The following FXYD3 variants were observed in gnomAD, a reference collection of about 807,000 sequenced individuals.
FXYD3 encodes the protein FXYD domain-containing ion transport regulator 3.
Under a neutral mutation model 19.2 loss-of-function variants are expected in FXYD3, and 13 were observed. The observed-to-expected ratio is 0.68, with a 90% CI of 0.44 to 1.08. The LOEUF is 1.08. Ranked by LOEUF, FXYD3 falls within the 50% of genes least tolerant of loss-of-function variation. The probability of loss-of-function intolerance (pLI) is 0.00; values close to 1 mark genes in which losing one functional copy is unlikely to be tolerated. For missense variants in FXYD3, 101 were observed against 109.4 expected (o/e 0.92, Z 0.34); for synonymous variants, 48 against 38.9 (o/e 1.23, Z -0.87).
rs749411822 is a variant in FXYD3, at chr19:35,123,741, G to A, written c.*284G>A. 1.9e-6 allele frequency: 1 copy of A among 533,886 alleles called. No homozygotes were observed. The highest frequency in any genetic ancestry group is 3.4e-6 in the Non-Finnish European group (1 of 297,082). The allele number at this position is 533,886 out of a possible 1,614,324, so 33.1% of individuals were successfully genotyped here. A position where few individuals can be genotyped will look rare whatever the true frequency, so the allele number is the denominator to read the frequency against. ...TTGGCGTGCCCTGGAGGCTGACACA[G>A]AGGCTGGCACTGAGCCTGCTTGTTG... On this transcript the variant is annotated 3_prime_UTR_variant, in exon 9 of 9. Coordinates refer to ENST00000604404, the MANE Select transcript of FXYD3 (RefSeq NM_005971.4).
chr19:35,122,882 G>A (rs1396242608), intron 6 of FXYD3, 36 bp from the exon 7 acceptor site: 1 of 1,613,806 alleles, frequency 6.2e-7, no homozygotes, highest in African/African-American at 1.3e-5. Context: ...CGGGGCTGGG[G>A]CTCCCCTCCC....
chr19:35,116,862 C>T lies in FXYD3; in HGVS notation c.-15+503C>T, dbSNP rs1175204228. 8.1e-6 allele frequency: 7 copies of T among 864,406 alleles called. No homozygotes were observed. The African/African-American group carries it at 2.7e-4, about 33-fold the overall frequency. 53.5% of individuals were successfully genotyped at this position (864,406 alleles called of 1,614,324 possible). A position where few individuals can be genotyped will look rare whatever the true frequency, so the allele number is the denominator to read the frequency against. On this transcript the variant is annotated intron_variant, in intron 2 of 8. Coordinates refer to ENST00000604404, the MANE Select transcript of FXYD3 (RefSeq NM_005971.4). ...ATTGAGGGATCTGGATTCTGGAGACCTCCAGGAAAAAAGGATGGAGCTGCT... is the reference window on the plus strand; with the variant it reads ...ATTGAGGGATCTGGATTCTGGAGACTTCCAGGAAAAAAGGATGGAGCTGCT...
At chr19:35,119,635 G>C (rs1424987532) in intron 3 of FXYD3, 1 of 517,682 alleles carries the variant, frequency 1.9e-6, no homozygotes, top group Non-Finnish European at 3.4e-6. Flanking sequence ...CCATTCTCTC[G>C]ATCTCTTCTT....
chr19:35,123,343 G>A (rs530242473), intron 8 of FXYD3, 35 bp downstream of exon 8: 30 of 1,604,002 alleles, frequency 1.9e-5, no homozygotes, highest in South Asian at 1.4e-4. Context: ...AGGGGAACAC[G>A]GAAGTGGTGT....
At chr19:35,123,217 G>C in intron 7 of FXYD3, 54 bp from the exon 8 acceptor site, 2 of 1,543,424 alleles carry the variant, frequency 1.3e-6, no homozygotes, top group East Asian at 4.5e-5. Flanking sequence ...CCTCTATCCG[G>C]AGGGAGAGGG....
In FXYD3 at chr19:35,122,815, G is replaced by T. The variant is rs758612609; in HGVS notation, c.148G>T (p.Ala50Ser). 6.2e-7 allele frequency: 1 copy of T among 1,613,962 alleles called. No homozygotes were observed. Among genetic ancestry groups the T allele is most frequent in the South Asian group, 1.1e-5 (1 of 91,080 alleles). The change falls in exon 6 of 9, where the codon GCC becomes TCC. Residue 50 changes from alanine to serine, a missense_variant. Physicochemically the swap from Ala to Ser is moderately conservative, Grantham distance 99. Coordinates refer to ENST00000604404, the MANE Select transcript of FXYD3 (RefSeq NM_005971.4). The part of the protein sequence containing the change: ...GGLICAGVLC[A>S]MGIIIVMSAK... ...GCTCATCTGCGCTGGGGTTCTGTGC[G>T]CCATGGGCATCATCATCGTCATGAG...
rs139425472 is a variant in FXYD3 at position 35,118,508 on chromosome 19, G to A, written c.-14-855G>A. 3,075 of 989,104 alleles carry A rather than the reference G, an allele frequency of 3.1e-3. 3 individuals carry two copies. Among genetic ancestry groups the A allele is most frequent in the Non-Finnish European group, 3.5e-3 (2,908 of 832,360 alleles). 61.3% of individuals were successfully genotyped at this position (989,104 alleles called of 1,614,324 possible). A position where few individuals can be genotyped will look rare whatever the true frequency, so the allele number is the denominator to read the frequency against. ...AGAGGGCAGGACTGATGCCAGGTCA[G>A]GAAGGAGAGAGAAACGAGTTCCTTA... On this transcript the variant is annotated intron_variant, in intron 2 of 8. Transcript: ENST00000604404.
intron 2 of FXYD3, chr19:35,117,499 G>C (rs1205439398): frequency 1.1e-6 from 1 of 933,582 alleles, no homozygotes; most frequent in Non-Finnish European, 1.5e-6. Flanking sequence ...TGCAGAGATT[G>C]AGCGAGTAAG....
Position 35,121,262 on chromosome 19 carries a change from C to T in FXYD3, c.97+17C>T, listed in dbSNP as rs751449538. ...TCTACTATGGTGAGAGCCCGTGCCCCCTTTCCCCTCCCCACAACCCCACAT... is the reference window on the plus strand; with the variant it reads ...TCTACTATGGTGAGAGCCCGTGCCCTCTTTCCCCTCCCCACAACCCCACAT... On this transcript the variant is annotated intron_variant, in intron 5 of 8. Coordinates refer to ENST00000604404, the MANE Select transcript of FXYD3 (RefSeq NM_005971.4). 6.2e-7 allele frequency: 1 copy of T among 1,613,978 alleles called. No individual in the cohort carries two copies.
At chr19:35,119,195 A>T in intron 2 of FXYD3, 168 bp from the exon 3 acceptor site, 1 of 1,567,856 alleles carries the variant, frequency 6.4e-7, no homozygotes, top group Non-Finnish European at 8.7e-7. Context: ...TCCCCACTCC[A>T]CGGTGCAGCT....
intron 5 of FXYD3, 198 bp downstream of exon 5, chr19:35,121,443 C>T (rs559487702): frequency 1.2e-5 from 18 of 1,496,080 alleles, no homozygotes; most frequent in South Asian, 9.4e-5. Context: ...AGGTTCTATT[C>T]CAGCAAGATA....
intron 2 of FXYD3, chr19:35,117,280 T>A: frequency 6.6e-7 from 1 of 1,504,544 alleles, no homozygotes; most frequent in Admixed American, 2.5e-5. Flanking sequence ...GAGGATACCA[T>A]CTGTCAGTCT....
intron 2 of FXYD3, chr19:35,118,748 C>T: frequency 3.7e-6 from 1 of 271,910 alleles, no homozygotes; most frequent in Non-Finnish European, 6.6e-6. Flanking sequence ...CCCCTCTACC[C>T]CCAGTCCCAG....
At position 35,119,347 on chromosome 19, in the gene FXYD3, C is replaced by A; in HGVS notation, c.-14-16C>A. ...CGGTGGCTCTGCTAAGGCCAGACCT[C>A]CCGCCACCCCTCTAGGCCAGCGCTC... On this transcript the variant is annotated splice_polypyrimidine_tract_variant and intron_variant, in intron 2 of 8. Transcript: ENST00000604404. The A allele has an allele frequency of 6.2e-7, 1 of 1,613,976 alleles. No individual in the cohort carries two copies. Among genetic ancestry groups the A allele is most frequent in the Non-Finnish European group, 8.5e-7 (1 of 1,179,852 alleles).
intron 2 of FXYD3, among the ~76,000 whole-genome samples, chr19:35,117,594 C>T (rs750589565): frequency 3.3e-5 from 5 of 151,750 alleles, no homozygotes; most frequent in Non-Finnish European, 7.4e-5. Flanking sequence ...TCATGGGTGA[C>T]AGCTTCAGAC....
chr19:35,122,526 A>G (rs2065065053), intron 5 of FXYD3, among the ~76,000 whole-genome samples: 2 of 151,904 alleles, frequency 1.3e-5, no homozygotes, highest in African/African-American at 4.8e-5. Context: ...CTGACTTTCC[A>G]TCTCCCACCC....
chr19:35,119,210 C>T, intron 2 of FXYD3, 153 bp from the exon 3 acceptor site: 2 of 1,587,644 alleles, frequency 1.3e-6, no homozygotes, highest in Non-Finnish European at 1.7e-6. Flanking sequence ...GCAGCTGCGG[C>T]TTATCTCTCA....
rs762179608 is a variant in FXYD3 at position 35,121,132 on chromosome 19, C to T, written c.73+22C>T. ...GAAGGTGAGTCAGACTGGACTCTCA[C>T]CCGTCACACCCCCAAATTCTCCCCT... is the stretch of plus-strand genomic sequence containing the variant. On this transcript the variant is annotated intron_variant, in intron 4 of 8. Coordinates refer to ENST00000604404, the MANE Select transcript of FXYD3 (RefSeq NM_005971.4). 6 of 1,613,774 alleles carry T rather than the reference C, an allele frequency of 3.7e-6. No homozygotes were observed. The East Asian group carries it at 1.1e-4, about 30-fold the overall frequency.
Position 35,121,121 on chromosome 19 carries a change from C to T in FXYD3, c.73+11C>T. 6.2e-7 allele frequency: 1 copy of T among 1,613,726 alleles called. No individual in the cohort carries two copies. Among genetic ancestry groups the T allele is most frequent in the East Asian group, 2.2e-5 (1 of 44,886 alleles). ...CCAATGACCTAGAAGGTGAGTCAGA[C>T]TGGACTCTCACCCGTCACACCCCCA... On this transcript the variant is annotated intron_variant, in intron 4 of 8. Coordinates refer to ENST00000604404, the MANE Select transcript of FXYD3 (RefSeq NM_005971.4).
Sources: allele counts gnomAD v4.1 joint callset (sites outside exome capture counted in the v4.1 genomes callset), GRCh38; gene constraint gnomAD v4.1.1; transcripts MANE v1.5; gene names NCBI Gene and HGNC (gene_info 2026-07-23, HGNC 2026-07-21).